The following ZSWIM6 variants were observed in gnomAD, a reference collection of about 807,000 sequenced individuals.
The protein encoded by ZSWIM6 is zinc finger SWIM domain-containing protein 6.
Under a neutral mutation model 113.2 loss-of-function variants are expected in ZSWIM6, and 9 were observed. The observed-to-expected ratio is 0.08, with a 90% CI of 0.05 to 0.14. The LOEUF (loss-of-function observed/expected upper bound fraction) is 0.14. Among genes scored for constraint, ZSWIM6 ranks in the 10% least tolerant of loss-of-function variants. The pLI, the probability that ZSWIM6 is intolerant of heterozygous loss-of-function variation, is 1.00. For missense variants in ZSWIM6, 1,162 were observed against 1,552.2 expected (o/e 0.75, Z 4.22); for synonymous variants, 611 against 606.5 (o/e 1.01, Z -0.11).
intron 1 of ZSWIM6, among the ~76,000 whole-genome samples, chr5:61,436,012 A>G (rs1316780219): frequency 6.6e-6 from 1 of 152,046 alleles, no homozygotes; most frequent in Non-Finnish European, 1.5e-5. Context: ...GACCAGCCTG[A>G]CCAACATGGA....
intron 1 of ZSWIM6, among the ~76,000 whole-genome samples, chr5:61,392,699 G>A (rs546973237): frequency 2.0e-4 from 31 of 152,178 alleles, no homozygotes; most frequent in South Asian, 1.2e-3. Context: ...CGCAACCTCC[G>A]CCTCCCAGAT....
At chr5:61,481,294 C>T (rs1194973031) in intron 2 of ZSWIM6, among the ~76,000 whole-genome samples, 2 of 152,116 alleles carry the variant, frequency 1.3e-5, no homozygotes, top group African/African-American at 4.8e-5. Context: ...TTAAAATCTG[C>T]ATAATGATAT....
intron 1 of ZSWIM6, among the ~76,000 whole-genome samples, chr5:61,405,709 A>G (rs1746030002): frequency 6.6e-6 from 1 of 152,238 alleles, no homozygotes; most frequent in African/African-American, 2.4e-5. Flanking sequence ...GTAGAAGAGT[A>G]GATTAGAGAC....
chr5:61,464,889 G>A (rs1441152829), intron 1 of ZSWIM6, among the ~76,000 whole-genome samples: 1 of 152,234 alleles, frequency 6.6e-6, no homozygotes, highest in Non-Finnish European at 1.5e-5. Flanking sequence ...ACGCAGAGAT[G>A]CCAAGAGTTG....
chr5:61,425,890 T>C (rs1746454676), intron 1 of ZSWIM6, among the ~76,000 whole-genome samples: 1 of 152,214 alleles, frequency 6.6e-6, no homozygotes, highest in African/African-American at 2.4e-5. Context: ...TCTTATGTGC[T>C]CAGCTAGGAA....
At chr5:61,357,966 A>G (rs540000259) in intron 1 of ZSWIM6, among the ~76,000 whole-genome samples, 72 of 152,262 alleles carry the variant, frequency 4.7e-4, no homozygotes, top group Non-Finnish European at 9.3e-4. Context: ...GCGCCATCTT[A>G]TGGCAGACGT....
At chr5:61,343,245 A>G (rs1316100564) in intron 1 of ZSWIM6, among the ~76,000 whole-genome samples, 1 of 152,196 alleles carries the variant, frequency 6.6e-6, no homozygotes, top group African/African-American at 2.4e-5. Context: ...TACTAACTGA[A>G]TAAGCTGATC....
intron 4 of ZSWIM6, among the ~76,000 whole-genome samples, chr5:61,506,157 G>A (rs1748613778): frequency 1.3e-5 from 2 of 152,144 alleles, no homozygotes; most frequent in Admixed American, 1.3e-4. Context: ...GTTTTGCCAT[G>A]CTTGACCGGA....
chr5:61,369,364 C>T (rs1339919896), intron 1 of ZSWIM6, among the ~76,000 whole-genome samples: 6 of 152,218 alleles, frequency 3.9e-5, no homozygotes. Flanking sequence ...GTCATTGGAT[C>T]AAACTCAAAT....
intron 1 of ZSWIM6, among the ~76,000 whole-genome samples, chr5:61,336,847 T>C (rs533366291): frequency 6.6e-6 from 1 of 152,296 alleles, no homozygotes; most frequent in African/African-American, 2.4e-5. Flanking sequence ...TTACAGCACA[T>C]TGGACCAAAG....
chr5:61,505,488 G>A (rs1327758923), intron 4 of ZSWIM6, among the ~76,000 whole-genome samples: 1 of 152,086 alleles, frequency 6.6e-6, no homozygotes, highest in Non-Finnish European at 1.5e-5. Flanking sequence ...TTGACTGACT[G>A]CACCAACAAA....
chr5:61,370,153 A>G (rs1290417893), intron 1 of ZSWIM6, among the ~76,000 whole-genome samples: 3 of 152,224 alleles, frequency 2.0e-5, no homozygotes, highest in Admixed American at 1.3e-4. Flanking sequence ...CATCCTTATC[A>G]TTGCACTGTT....
At chr5:61,368,908 C>A (rs1222382955) in intron 1 of ZSWIM6, among the ~76,000 whole-genome samples, 2 of 152,164 alleles carry the variant, frequency 1.3e-5, no homozygotes, top group Non-Finnish European at 2.9e-5. Context: ...TTACCACTTA[C>A]CACACCTATG....
intron 1 of ZSWIM6, among the ~76,000 whole-genome samples, chr5:61,431,913 GT>G (rs760296465): frequency 6.6e-6 from 1 of 151,734 alleles, no homozygotes; most frequent in African/African-American, 2.4e-5. Context: ...TTCTGTTTTT[GT>G]TTTTTTTCTT....
At chr5:61,465,869 G>A (rs1343914898) in intron 1 of ZSWIM6, among the ~76,000 whole-genome samples, 2 of 152,104 alleles carry the variant, frequency 1.3e-5, no homozygotes, top group African/African-American at 4.8e-5. Context: ...TTTTCAGAAA[G>A]ATGAAAACCA....
chr5:61,539,503 C>CTG (rs1447768372), intron 11 of ZSWIM6, 93 bp from the exon 12 acceptor site: 26 of 1,356,442 alleles, frequency 1.9e-5, no homozygotes, highest in South Asian at 4.8e-5. Flanking sequence ...TTTTCCCCCT[C>CTG]TGTGTGTGTG....
intron 1 of ZSWIM6, among the ~76,000 whole-genome samples, chr5:61,410,889 G>C (rs1036380182): frequency 6.6e-6 from 1 of 152,146 alleles, no homozygotes; most frequent in Non-Finnish European, 1.5e-5. Flanking sequence ...TAATCTCATC[G>C]TGTCTTAGTT....
At chr5:61,449,316 T>C (rs1294567515) in intron 1 of ZSWIM6, among the ~76,000 whole-genome samples, 1 of 152,204 alleles carries the variant, frequency 6.6e-6, no homozygotes, top group Non-Finnish European at 1.5e-5. Flanking sequence ...CTGAAAGGTA[T>C]GTAATGAAGC....
intron 5 of ZSWIM6, 77 bp downstream of exon 5, chr5:61,521,519 G>A (rs1561276568): frequency 2.5e-6 from 3 of 1,176,780 alleles, no homozygotes; most frequent in Non-Finnish European, 3.3e-6. Context: ...AACTTACAAT[G>A]TATATGGGAA....
Sources: allele counts gnomAD v4.1 joint callset (sites outside exome capture counted in the v4.1 genomes callset), GRCh38; gene constraint gnomAD v4.1.1; transcripts MANE v1.5; gene names NCBI Gene and HGNC (gene_info 2026-07-23, HGNC 2026-07-21).